Variants in PLA2G4A observed in about 807,000 individuals in gnomAD.
PLA2G4A encodes cytosolic phospholipase A2.
In PLA2G4A, 40 loss-of-function variants were observed where a neutral mutation model predicts 81.9. The observed-to-expected ratio is 0.49, with a 90% confidence interval of 0.38 to 0.64. The LOEUF (loss-of-function observed/expected upper bound fraction) is 0.64, where lower values mean the gene tolerates loss of function less well. PLA2G4A is among the 30% of genes least tolerant of loss of function. PLA2G4A has a pLI of 0.00. For missense variants in PLA2G4A, 715 were observed against 905.1 expected (o/e 0.79, Z 2.69); for synonymous variants, 302 against 296.9 (o/e 1.02, Z -0.18).
chr1:186,854,364 A>G lies in PLA2G4A; in HGVS notation c.10A>G (p.Ile4Val). MSF[I>V]DPYQHIIVEH... ...TGTAATTGAAACCAAAATGTCATTT[A>G]TAGATCCTTACCAGCACATTATAGT... Residue 4 changes from isoleucine (I) to valine (V), a missense_variant, in exon 2 of 18, where the codon ATA becomes GTA. Physicochemically the swap from Ile to Val is conservative, Grantham distance 29 (BLOSUM62 3). Transcript: ENST00000367466. 1 of 1,572,452 alleles carries G rather than the reference A, an allele frequency of 6.4e-7. No individual in the cohort carries two copies. The highest frequency in any genetic ancestry group is 8.8e-7 in the Non-Finnish European group (1 of 1,142,804).
At chr1:186,951,992 C>T (rs1656578124) in intron 13 of PLA2G4A, among the ~76,000 whole-genome samples, 1 of 152,030 alleles carries the variant, frequency 6.6e-6, no homozygotes, top group African/African-American at 2.4e-5. Context: ...AGAACCCTGT[C>T]CTGGAAGCAA....
At chr1:186,904,539 T>A (rs1654666187) in intron 5 of PLA2G4A, among the ~76,000 whole-genome samples, 1 of 152,238 alleles carries the variant, frequency 6.6e-6, no homozygotes, top group South Asian at 2.1e-4. Context: ...AAGAGGATTT[T>A]AAATTTCCTC....
Position 186,831,515 on chromosome 1 carries a change from T to C in PLA2G4A, c.-70+2480T>C, listed in dbSNP as rs567899748. Among the ~76,000 whole-genome samples, 7 of 152,272 alleles carry C rather than the reference T, an allele frequency of 4.6e-5. 1 individual carries two copies. In the South Asian group the frequency reaches 1.4e-3, roughly 32 times the overall value. ...GCCGAATGCAGTAAGTGAAACATAA[T>C]AAGAAAATCAGATGCAAGTTATTTT... is the stretch of plus-strand genomic sequence containing the variant. On this transcript the variant is annotated intron_variant, in intron 1 of 17. Transcript: ENST00000367466.
At position 186,894,149 on chromosome 1, in the gene PLA2G4A, A is replaced by G. The variant is rs1453280818; in HGVS notation, c.316A>G (p.Thr106Ala). The stretch of plus-strand genomic sequence containing the variant: ...CATGGATGAAACTCTAGGGACAGCA[A>G]CATTTACTGTATCTTCTATGAAGGT... Reference protein sequence around the residue: ...YVMDETLGTATFTVSSMKVGE... With the variant: ...YVMDETLGTAAFTVSSMKVGE... The change falls in exon 5 of 18, where the codon ACA (threonine) becomes GCA (alanine). Residue 106 changes from threonine to alanine, a missense_variant. Transcript: ENST00000367466. 4.6e-6 allele frequency: 7 copies of G among 1,530,180 alleles called. No individual in the cohort carries two copies. Among genetic ancestry groups the G allele is most frequent in the Non-Finnish European group, 6.3e-6 (7 of 1,103,516 alleles). The allele number at this position is 1,530,180 out of a possible 1,614,324, so 94.8% of individuals were successfully genotyped here. A position where few individuals can be genotyped will look rare whatever the true frequency, so the allele number is the denominator to read the frequency against.
At position 186,911,322 on chromosome 1, in the gene PLA2G4A, A is replaced by G. The variant is rs370000032; in HGVS notation, c.491A>G (p.His164Arg). 1 of 1,609,168 alleles carries G rather than the reference A, an allele frequency of 6.2e-7. No individual in the cohort carries two copies. The highest frequency in any genetic ancestry group is 8.5e-7 in the Non-Finnish European group (1 of 1,175,472). ...EKTFRQQRKE[H>R]IRESMKKLLG... ...ACTTTCAGACAACAGAGAAAAGAACACATAAGGGAGAGCATGAAGAAACTC... is the reference window on the plus strand; with the variant it reads ...ACTTTCAGACAACAGAGAAAAGAACGCATAAGGGAGAGCATGAAGAAACTC... Residue 164 changes from histidine to arginine, a missense_variant, in exon 7 of 18, where the codon CAC becomes CGC. Transcript: ENST00000367466.
chr1:186,910,202 G>A (rs1654892811), intron 6 of PLA2G4A, among the ~76,000 whole-genome samples: 1 of 151,938 alleles, frequency 6.6e-6, no homozygotes, highest in Non-Finnish European at 1.5e-5. Context: ...TCAGAGGCTT[G>A]GTCTCTTTCT....
intron 10 of PLA2G4A, among the ~76,000 whole-genome samples, chr1:186,943,106 A>T (rs1255811702): frequency 6.6e-6 from 1 of 152,200 alleles, no homozygotes; most frequent in African/African-American, 2.4e-5. Context: ...ATAGTCTCTG[A>T]ATTATATTTT....
intron 1 of PLA2G4A, among the ~76,000 whole-genome samples, chr1:186,838,618 A>G (rs754590528): frequency 2.6e-5 from 4 of 152,150 alleles, no homozygotes; most frequent in African/African-American, 4.8e-5. Context: ...AGGAGCCATC[A>G]TTCTGGAACC....
intron 10 of PLA2G4A, 35 bp from the exon 11 acceptor site, chr1:186,946,602 A>G (rs747664337): frequency 9.9e-6 from 15 of 1,511,750 alleles, no homozygotes; most frequent in Admixed American, 1.7e-5. Flanking sequence ...GCATTTTCCT[A>G]TTAATGGATT....
chr1:186,947,874 A>G (rs1260177840), intron 12 of PLA2G4A, among the ~76,000 whole-genome samples: 2 of 152,174 alleles, frequency 1.3e-5, no homozygotes, highest in Non-Finnish European at 1.5e-5. Context: ...AACATTGATG[A>G]CTTTTTAAAT....
At chr1:186,939,833 A>G (rs1225551590) in intron 9 of PLA2G4A, 147 bp from the exon 10 acceptor site, 1 of 608,126 alleles carries the variant, frequency 1.6e-6, no homozygotes, top group Non-Finnish European at 2.9e-6. Flanking sequence ...TTTGTTGTTC[A>G]TTCAGGACCT....
chr1:186,862,939 C>A (rs763400938), intron 2 of PLA2G4A, among the ~76,000 whole-genome samples: 1 of 152,090 alleles, frequency 6.6e-6, no homozygotes, highest in South Asian at 2.1e-4. Flanking sequence ...GATGTTCACA[C>A]TTTTTTTGTG....
At chr1:186,855,338 C>T (rs1652512033) in intron 2 of PLA2G4A, among the ~76,000 whole-genome samples, 2 of 152,050 alleles carry the variant, frequency 1.3e-5, no homozygotes, top group African/African-American at 2.4e-5. Context: ...TTTGTTTCTT[C>T]TGTTTCCTTG....
At chr1:186,898,072 C>T (rs772996462) in intron 5 of PLA2G4A, among the ~76,000 whole-genome samples, 9 of 151,956 alleles carry the variant, frequency 5.9e-5, no homozygotes, top group Non-Finnish European at 1.3e-4. Context: ...TTTCATTTGG[C>T]CTTCTTCACC....
intron 15 of PLA2G4A, among the ~76,000 whole-genome samples, chr1:186,970,664 A>G (rs763988369): frequency 5.9e-5 from 9 of 152,028 alleles, no homozygotes; most frequent in Non-Finnish European, 1.2e-4. Context: ...TGAAGAGACT[A>G]TCCCTTCTCC....
intron 8 of PLA2G4A, among the ~76,000 whole-genome samples, chr1:186,937,449 T>C (rs34191261): frequency 0.29 from 44,245 of 151,614 alleles, 8,465 homozygotes; most frequent in African/African-American, 0.54. Context: ...TGCATTTTTA[T>C]AGATATTTCG....
rs1657499188 is a variant in PLA2G4A, at chr1:186,975,484, AC to A, written c.1765-2108del. Reference sequence around the variant, plus strand: ...TGAATGTAAGCCTGTATGATAAAGTACTTGTTTTCTTCTAATGTAAACTACT... The same window carrying A: ...TGAATGTAAGCCTGTATGATAAAGTATTGTTTTCTTCTAATGTAAACTACT... On this transcript the variant is annotated intron_variant, in intron 15 of 17. Transcript: ENST00000367466. 2.0e-5 allele frequency among the ~76,000 whole-genome samples: 3 copies of A among 152,336 alleles called. No individual in the cohort carries two copies. In the South Asian group the frequency reaches 6.2e-4, roughly 32 times the overall value.
chr1:186,849,903 A>G (rs935949475), intron 1 of PLA2G4A, among the ~76,000 whole-genome samples: 1 of 152,144 alleles, frequency 6.6e-6, no homozygotes, highest in African/African-American at 2.4e-5. Context: ...TTTGTTGACT[A>G]AATGAATGAA....
At chr1:186,949,962 G>A (rs2102240457) in intron 12 of PLA2G4A, among the ~76,000 whole-genome samples, 1 of 152,266 alleles carries the variant, frequency 6.6e-6, no homozygotes, top group African/African-American at 2.4e-5. Context: ...CTTGAGCCCA[G>A]AGGCAGAGGT....
Sources: gnomAD v4.1 joint callset for allele counts (sites outside exome capture counted in the v4.1 genomes callset) on GRCh38, gnomAD v4.1.1 for gene constraint, MANE v1.5 for transcripts, NCBI Gene and HGNC (gene_info 2026-07-23, HGNC 2026-07-21) for gene names.